The following IL1RAPL2 variants were observed in gnomAD, a reference collection of about 807,000 sequenced individuals.
The protein encoded by IL1RAPL2 is interleukin 1 receptor accessory protein like 2.
Under a neutral mutation model 44.1 loss-of-function variants are expected in IL1RAPL2, and 3 were observed. The ratio of observed to expected loss-of-function variants is 0.07; its 90% CI spans 0.03 to 0.18. The LOEUF is 0.18. Ranked by LOEUF, IL1RAPL2 falls within the 10% of genes least tolerant of loss-of-function variation. IL1RAPL2 has a pLI of 1.00. For missense variants in IL1RAPL2, 391 were observed against 496.4 expected, an observed-to-expected ratio of 0.79 and a Z score of 2.02; for synonymous variants, 181 against 178.8, an observed-to-expected ratio of 1.01 and a Z score of -0.10.
intron 5 of IL1RAPL2, among the ~76,000 whole-genome samples, chrX:105,467,781 A>G (rs990330126): frequency 8.9e-6 from 1 of 111,895 alleles, no homozygotes; most frequent in East Asian, 2.8e-4. Flanking sequence ...AACCAGGAGG[A>G]AATAGAACAT....
At chrX:104,880,388 T>C (rs1923031071) in intron 2 of IL1RAPL2, among the ~76,000 whole-genome samples, 1 of 111,826 alleles carries the variant, frequency 8.9e-6, no homozygotes, top group South Asian at 3.7e-4. Context: ...CCCATAAGCA[T>C]ATAGCCTCTG....
chrX:105,731,830 AATGGAAACAAACAT>A (rs1470540874), intron 7 of IL1RAPL2, among the ~76,000 whole-genome samples: 23 of 111,147 alleles, frequency 2.1e-4, no homozygotes, highest in Middle Eastern at 4.7e-3. Context: ...GAGGTTGGTT[AATGGAAACAAACAT>A]ATAGTTAGAT....
intron 5 of IL1RAPL2, among the ~76,000 whole-genome samples, chrX:105,352,501 A>G (rs990778959): frequency 9.0e-6 from 1 of 111,378 alleles, no homozygotes; most frequent in Non-Finnish European, 1.9e-5. Flanking sequence ...CTGAGGAATC[A>G]CCACACTGAC....
chrX:105,305,608 G>T (rs950357699), intron 5 of IL1RAPL2, among the ~76,000 whole-genome samples: 91 of 110,600 alleles, frequency 8.2e-4, no homozygotes, highest in African/African-American at 2.9e-3. Flanking sequence ...TTTTTCGAAT[G>T]CTTAGCATTC....
At chrX:105,409,845 T>TAGATAGATAGACAGAC (rs757454072) in intron 5 of IL1RAPL2, among the ~76,000 whole-genome samples, 23 of 85,972 alleles carry the variant, frequency 2.7e-4, no homozygotes, top group Non-Finnish European at 4.7e-4. Context: ...GATAGATAGA[T>TAGATAGATAGACAGAC]AGACAGACAG....
intron 6 of IL1RAPL2, among the ~76,000 whole-genome samples, chrX:105,613,036 C>A (rs1180289373): frequency 9.0e-6 from 1 of 111,606 alleles, no homozygotes; most frequent in Non-Finnish European, 1.9e-5. Flanking sequence ...GTGCTTATAC[C>A]ACCCCTACCC....
At chrX:104,788,047 G>A (rs1932807563) in intron 2 of IL1RAPL2, among the ~76,000 whole-genome samples, 1 of 111,803 alleles carries the variant, frequency 8.9e-6, no homozygotes, top group Non-Finnish European at 1.9e-5. Flanking sequence ...CTGTGACAAG[G>A]AGGGAGAGAG....
chrX:105,355,127 G>A (rs1314925888), intron 5 of IL1RAPL2, among the ~76,000 whole-genome samples: 3 of 111,081 alleles, frequency 2.7e-5, no homozygotes, highest in Non-Finnish European at 5.7e-5. Flanking sequence ...TTTACCTACC[G>A]GCCGCTTTTA....
At chrX:104,585,342 ATT>A (rs1172605835) in intron 1 of IL1RAPL2, among the ~76,000 whole-genome samples, 145 of 13,268 alleles carry the variant, frequency 0.011, 16 homozygotes, top group African/African-American at 0.076. Flanking sequence ...TATATTATAT[ATT>A]ATATATATTA....
chrX:105,068,904 T>A (rs946038813), intron 2 of IL1RAPL2, among the ~76,000 whole-genome samples: 1 of 112,063 alleles, frequency 8.9e-6, no homozygotes, highest in African/African-American at 3.2e-5. Context: ...ATGGTCGTAT[T>A]ATCAATAGAA....
intron 6 of IL1RAPL2, among the ~76,000 whole-genome samples, chrX:105,697,092 A>G (rs899758492): frequency 9.1e-6 from 1 of 109,883 alleles, no homozygotes; most frequent in Admixed American, 9.8e-5. Flanking sequence ...CTCTTTAAAT[A>G]GCCAGTTCTT....
At chrX:104,661,005 A>G (rs1602667578) in intron 2 of IL1RAPL2, among the ~76,000 whole-genome samples, 1 of 110,748 alleles carries the variant, frequency 9.0e-6, no homozygotes, top group Middle Eastern at 4.6e-3. Flanking sequence ...TAATGCACAG[A>G]TGTCATTAAA....
At chrX:104,677,627 A>G (rs1930800399) in intron 2 of IL1RAPL2, among the ~76,000 whole-genome samples, 2 of 112,776 alleles carry the variant, frequency 1.8e-5, no homozygotes, top group South Asian at 7.3e-4. Flanking sequence ...GGCTCTGCCC[A>G]GTTCGAGCTT....
In IL1RAPL2 at chrX:105,405,607, G is replaced by T; in HGVS notation, c.698-78706G>T. The T allele has an allele frequency of 4.7e-6, 5 of 1,065,185 alleles. No individual in the cohort carries two copies. In the Admixed American group the frequency reaches 1.1e-4, roughly 24 times the overall value. 87.8% of individuals were successfully genotyped at this position (1,065,185 alleles called of 1,213,427 possible). A position where few individuals can be genotyped will look rare whatever the true frequency, so the allele number is the denominator to read the frequency against. On this transcript the variant is annotated intron_variant, in intron 5 of 10. Transcript: ENST00000372582. Reference sequence around the variant, plus strand: ...AAAAGGTGGGAGGAGGACCAGGTGGGAGGGTGGCGGCTCCCTCAGGACCCA... The same window carrying T: ...AAAAGGTGGGAGGAGGACCAGGTGGTAGGGTGGCGGCTCCCTCAGGACCCA...
chrX:105,520,698 C>A (rs924990721), intron 6 of IL1RAPL2, among the ~76,000 whole-genome samples: 1 of 110,733 alleles, frequency 9.0e-6, no homozygotes, highest in Non-Finnish European at 1.9e-5. Context: ...CTTAATGAGT[C>A]CAAAGGTAAT....
chrX:105,403,373 T>C (rs1466304907), intron 5 of IL1RAPL2, among the ~76,000 whole-genome samples: 1 of 111,332 alleles, frequency 9.0e-6, no homozygotes, highest in Non-Finnish European at 1.9e-5. Context: ...AAATGACATT[T>C]TGAAATATTA....
intron 5 of IL1RAPL2, among the ~76,000 whole-genome samples, chrX:105,477,204 G>T (rs780563948): frequency 1.8e-5 from 2 of 111,473 alleles, no homozygotes; most frequent in East Asian, 5.7e-4. Flanking sequence ...AACCAAGGCT[G>T]GTCCTGCTTG....
At chrX:105,319,238 G>A (rs2034878439) in intron 5 of IL1RAPL2, among the ~76,000 whole-genome samples, 1 of 111,887 alleles carries the variant, frequency 8.9e-6, no homozygotes, top group African/African-American at 3.3e-5. Context: ...TGAGAGGGTA[G>A]GAATCAGTAA....
intron 2 of IL1RAPL2, among the ~76,000 whole-genome samples, chrX:105,151,478 T>G (rs189433087): frequency 9.0e-6 from 1 of 110,810 alleles, no homozygotes; most frequent in Admixed American, 9.6e-5. Flanking sequence ...TGGTGTCTAC[T>G]CTACAGGCAC....
Sources: gnomAD v4.1 joint callset for allele counts (sites outside exome capture counted in the v4.1 genomes callset) on GRCh38, gnomAD v4.1.1 for gene constraint, MANE v1.5 for transcripts, NCBI Gene and HGNC (gene_info 2026-07-23, HGNC 2026-07-21) for gene names.